Variants in NKAIN2 observed in about 807,000 individuals in gnomAD.
The protein encoded by NKAIN2 is sodium/potassium transporting ATPase interacting 2, also known as sodium/potassium-transporting ATPase subunit beta-1-interacting protein 2.
In NKAIN2, 14 loss-of-function variants were observed where a neutral mutation model predicts 32.6. The ratio of observed to expected loss-of-function variants is 0.43; its 90% CI spans 0.28 to 0.67. The LOEUF is 0.67. Among genes scored for constraint, NKAIN2 ranks in the 30% least tolerant of loss-of-function variants. NKAIN2 has a pLI of 0.17. For synonymous variants in NKAIN2, 80 were observed against 87.2 expected, an observed-to-expected ratio of 0.92 and a Z score of 0.46; for missense variants, 198 against 258.3, an observed-to-expected ratio of 0.77 and a Z score of 1.60.
chr6:124,059,628 A>T (rs1782832548), intron 1 of NKAIN2, among the ~76,000 whole-genome samples: 1 of 151,964 alleles, frequency 6.6e-6, no homozygotes, highest in Admixed American at 6.6e-5. Flanking sequence ...CATCCGCCTG[A>T]CTCTGTTGTA....
chr6:123,822,776 T>G (rs1308018088), intron 1 of NKAIN2, among the ~76,000 whole-genome samples: 2 of 152,316 alleles, frequency 1.3e-5, no homozygotes, highest in East Asian at 3.9e-4. Context: ...CCTGTAACTT[T>G]GCACAAATTA....
chr6:124,581,898 G>A (rs1362845916), intron 3 of NKAIN2, among the ~76,000 whole-genome samples: 1 of 151,996 alleles, frequency 6.6e-6, no homozygotes, highest in Non-Finnish European at 1.5e-5. Flanking sequence ...ATAGCTATAC[G>A]TGCCTACATT....
At chr6:124,234,323 T>G (rs938967544) in intron 1 of NKAIN2, among the ~76,000 whole-genome samples, 1 of 152,146 alleles carries the variant, frequency 6.6e-6, no homozygotes, top group Non-Finnish European at 1.5e-5. Context: ...CAACATAAAC[T>G]TTATGAATAA....
In NKAIN2 at chr6:124,718,310, G is replaced by A. The variant is rs73577306; in HGVS notation, c.474+59924G>A. On this transcript the variant is annotated intron_variant, in intron 4 of 6. Transcript: ENST00000368417. ...CAGATTTCCCTACTCTGTGCTTTTC[G>A]TCTGAGTGCAATCATACGACATGTT... Among the ~76,000 whole-genome samples the A allele has an allele frequency of 7.6e-3, 1,159 of 152,094 alleles. 19 individuals carry two copies. The highest frequency in any genetic ancestry group is 0.024 in the African/African-American group (975 of 41,470).
At chr6:124,549,953 G>A (rs1030819383) in intron 3 of NKAIN2, among the ~76,000 whole-genome samples, 5 of 152,098 alleles carry the variant, frequency 3.3e-5, no homozygotes, top group Non-Finnish European at 7.4e-5. Context: ...TCCTATTGTA[G>A]TTACTAACCG....
chr6:124,682,134 G>GTT (rs201372408), intron 4 of NKAIN2, among the ~76,000 whole-genome samples: 2 of 147,068 alleles, frequency 1.4e-5, no homozygotes, highest in African/African-American at 2.5e-5. Context: ...AGTAAAAAAT[G>GTT]TTTTTTTTTT....
At chr6:123,992,518 C>T (rs982129545) in intron 1 of NKAIN2, among the ~76,000 whole-genome samples, 11 of 151,766 alleles carry the variant, frequency 7.2e-5, no homozygotes, top group African/African-American at 2.4e-4. Flanking sequence ...CTCTTGAAGG[C>T]GAAGGTAAAG....
intron 3 of NKAIN2, among the ~76,000 whole-genome samples, chr6:124,453,851 TA>T (rs1343369648): frequency 6.6e-6 from 1 of 152,006 alleles, no homozygotes; most frequent in East Asian, 1.9e-4. Flanking sequence ...ATCATATAGT[TA>T]AAAAAAGTAT....
At chr6:124,719,022 C>T (rs191742974) in intron 4 of NKAIN2, among the ~76,000 whole-genome samples, 2 of 152,174 alleles carry the variant, frequency 1.3e-5, no homozygotes, top group East Asian at 3.9e-4. Context: ...TTAAATAATA[C>T]TTATGAGTTT....
At chr6:124,606,845 G>A (rs1782520026) in intron 3 of NKAIN2, among the ~76,000 whole-genome samples, 1 of 152,078 alleles carries the variant, frequency 6.6e-6, no homozygotes, top group African/African-American at 2.4e-5. Context: ...TTCCAAAGAA[G>A]GGGTTAGAAT....
chr6:123,862,691 C>T (rs1775831525), intron 1 of NKAIN2, among the ~76,000 whole-genome samples: 1 of 152,160 alleles, frequency 6.6e-6, no homozygotes, highest in South Asian at 2.1e-4. Flanking sequence ...GTTCTTTCTG[C>T]CCACAATATC....
chr6:124,052,044 A>G (rs1300314744), intron 1 of NKAIN2, among the ~76,000 whole-genome samples: 1 of 152,042 alleles, frequency 6.6e-6, no homozygotes, highest in Non-Finnish European at 1.5e-5. Flanking sequence ...TATAGGGTTT[A>G]TTGAAAATGC....
At chr6:124,028,121 CTTTGTTGGTCTTTTATACATAA>C (rs1338928400) in intron 1 of NKAIN2, among the ~76,000 whole-genome samples, 1 of 151,954 alleles carries the variant, frequency 6.6e-6, no homozygotes, top group African/African-American at 2.4e-5. Flanking sequence ...TTCATTTTTT[CTTTGTTGGTCTTTTATACATAA>C]TTTAGAATGT....
intron 3 of NKAIN2, among the ~76,000 whole-genome samples, chr6:124,610,427 G>GTAT (rs1222703422): frequency 6.6e-6 from 1 of 152,138 alleles, no homozygotes; most frequent in Non-Finnish European, 1.5e-5. Context: ...AAAAAGTACT[G>GTAT]TATTTTTGTG....
intron 1 of NKAIN2, among the ~76,000 whole-genome samples, chr6:124,072,184 A>T (rs1371346760): frequency 6.6e-6 from 1 of 152,172 alleles, no homozygotes; most frequent in Non-Finnish European, 1.5e-5. Flanking sequence ...AGCCACATGG[A>T]TGTAGCTGGA....
At chr6:123,827,876 CCTCTCT>C (rs5879702) in intron 1 of NKAIN2, among the ~76,000 whole-genome samples, 10 of 149,892 alleles carry the variant, frequency 6.7e-5, no homozygotes, top group East Asian at 2.0e-4. Flanking sequence ...GATAGCAGTT[CCTCTCT>C]CTCTCTCTCT....
intron 4 of NKAIN2, among the ~76,000 whole-genome samples, chr6:124,693,953 G>A (rs951013986): frequency 6.6e-6 from 1 of 152,082 alleles, no homozygotes; most frequent in Non-Finnish European, 1.5e-5. Context: ...TAAACTGTAA[G>A]AAAAATAAAG....
At chr6:124,115,720 A>C (rs958009142) in intron 1 of NKAIN2, among the ~76,000 whole-genome samples, 1 of 152,106 alleles carries the variant, frequency 6.6e-6, no homozygotes, top group African/African-American at 2.4e-5. Flanking sequence ...ATTCTAAGAC[A>C]CCATCAGTTA....
chr6:124,408,894 C>T (rs1774004670), intron 3 of NKAIN2, among the ~76,000 whole-genome samples: 2 of 152,132 alleles, frequency 1.3e-5, no homozygotes, highest in Admixed American at 1.3e-4. Flanking sequence ...TTGTAGTTCT[C>T]CTTGAAGTGG....
Sources: allele counts gnomAD v4.1 joint callset (sites outside exome capture counted in the v4.1 genomes callset), GRCh38; gene constraint gnomAD v4.1.1; transcripts MANE v1.5; gene names NCBI Gene and HGNC (gene_info 2026-07-23, HGNC 2026-07-21).